The following CPNE4 variants were observed in gnomAD, a reference collection of about 807,000 sequenced individuals.
CPNE4 encodes copine-4.
CPNE4 carries 25 observed loss-of-function variants against 67.9 expected under a neutral mutation model. The observed-to-expected ratio is 0.37, with a 90% CI of 0.27 to 0.51. The LOEUF (loss-of-function observed/expected upper bound fraction) is 0.51, where lower values mean the gene tolerates loss of function less well. Ranked by LOEUF, CPNE4 falls within the 20% of genes least tolerant of loss-of-function variation. The probability of loss-of-function intolerance (pLI) is 0.93; values close to 1 mark genes in which losing one functional copy is unlikely to be tolerated. For synonymous variants in CPNE4, 242 were observed against 244.9 expected (o/e 0.99, Z 0.11); for missense variants, 464 against 690.8 (o/e 0.67, Z 3.68).
At chr3:131,907,750 T>C (rs2088829289) in intron 1 of CPNE4, among the ~76,000 whole-genome samples, 1 of 152,132 alleles carries the variant, frequency 6.6e-6, no homozygotes, top group Admixed American at 6.6e-5. Context: ...AAGCCTAAAA[T>C]ATTTATTATG....
intron 1 of CPNE4, among the ~76,000 whole-genome samples, chr3:131,990,626 G>C (rs975587495): frequency 7.4e-6 from 1 of 135,776 alleles, no homozygotes; most frequent in African/African-American, 2.5e-5. Flanking sequence ...TCATTTTCTT[G>C]ATCTTTTACA....
intron 1 of CPNE4, among the ~76,000 whole-genome samples, chr3:132,027,922 T>C (rs1342071882): frequency 6.6e-6 from 1 of 152,264 alleles, no homozygotes; most frequent in Non-Finnish European, 1.5e-5. Context: ...TCAATATTTT[T>C]AAAACAGAGT....
At chr3:132,019,374 G>T (rs982533173) in intron 1 of CPNE4, among the ~76,000 whole-genome samples, 5 of 151,976 alleles carry the variant, frequency 3.3e-5, no homozygotes, top group Non-Finnish European at 5.9e-5. Context: ...AGCCCACCTT[G>T]GTGAGTAAGA....
At chr3:131,818,883 C>G (rs945556930) in intron 2 of CPNE4, among the ~76,000 whole-genome samples, 1 of 152,092 alleles carries the variant, frequency 6.6e-6, no homozygotes, top group East Asian at 1.9e-4. Flanking sequence ...AGGCAGATCA[C>G]GAGGTCAAGG....
chr3:131,973,402 A>G (rs2072554427), intron 1 of CPNE4, among the ~76,000 whole-genome samples: 1 of 152,226 alleles, frequency 6.6e-6, no homozygotes, highest in South Asian at 2.1e-4. Context: ...TAATAATAAT[A>G]GAAATATGTG....
chr3:131,657,799 C>T (rs929015884), intron 7 of CPNE4, among the ~76,000 whole-genome samples: 4 of 151,684 alleles, frequency 2.6e-5, no homozygotes, highest in East Asian at 3.9e-4. Flanking sequence ...CTCCTGACCT[C>T]GTGATCTGCC....
intron 7 of CPNE4, among the ~76,000 whole-genome samples, chr3:131,626,745 T>G (rs776248436): frequency 1.3e-5 from 2 of 152,196 alleles, no homozygotes; most frequent in Non-Finnish European, 2.9e-5. Context: ...CAAAACAGTC[T>G]TATATTAAAA....
intron 2 of CPNE4, among the ~76,000 whole-genome samples, chr3:131,820,474 G>T (rs1352749261): frequency 1.3e-5 from 2 of 152,232 alleles, no homozygotes; most frequent in Non-Finnish European, 1.5e-5. Context: ...AGTCCTTGCA[G>T]GGGCTGCCAG....
intron 2 of CPNE4, among the ~76,000 whole-genome samples, chr3:131,787,521 T>C (rs1383643253): frequency 6.6e-6 from 1 of 152,110 alleles, no homozygotes; most frequent in Non-Finnish European, 1.5e-5. Context: ...TTGTGTGAGG[T>C]GTTCTGCAAC....
chr3:131,719,537 T>C (rs1274800544), intron 3 of CPNE4, among the ~76,000 whole-genome samples: 3 of 152,226 alleles, frequency 2.0e-5, no homozygotes, highest in African/African-American at 4.8e-5. Flanking sequence ...TTTCCCTTTG[T>C]TCACCCCACT....
rs1184747754 is a variant in CPNE4, at chr3:131,725,334, G to C, written c.181-1709C>G. 5.3e-5 allele frequency among the ~76,000 whole-genome samples: 8 copies of C among 152,266 alleles called. No homozygotes were observed. The East Asian group carries it at 1.5e-3, about 29-fold the overall frequency. On this transcript the variant is annotated intron_variant, in intron 2 of 15. Transcript: ENST00000429747. ...TTAAGGAACACTACCTGCCATTATT[G>C]GTTGGATGGACAATCCGGGTTGCAA...
intron 2 of CPNE4, among the ~76,000 whole-genome samples, chr3:131,792,991 T>C (rs1208897139): frequency 1.3e-5 from 2 of 151,290 alleles, no homozygotes; most frequent in East Asian, 3.9e-4. Context: ...TGTGCACCCA[T>C]GTGACACCAC....
rs1389121148 is a variant in CPNE4, at chr3:131,575,148, G to A, written c.868-18C>T. Reference sequence around the variant, plus strand: ...TTGTGAATCTGCATAGGAGGGGAGAGGAAACTGGGTTAATAACAGCACAGT... The same window carrying A: ...TTGTGAATCTGCATAGGAGGGGAGAAGAAACTGGGTTAATAACAGCACAGT... On this transcript the variant is annotated intron_variant, in intron 9 of 15. Coordinates refer to ENST00000429747, the MANE Select transcript of CPNE4 (RefSeq NM_130808.3). The A allele has an allele frequency of 1.9e-6, 3 of 1,609,660 alleles. No individual in the cohort carries two copies. The highest frequency in any genetic ancestry group is 3.3e-5 in the Admixed American group (2 of 59,900).
intron 1 of CPNE4, among the ~76,000 whole-genome samples, chr3:131,984,515 C>T (rs1014370924): frequency 1.3e-5 from 2 of 152,172 alleles, no homozygotes; most frequent in African/African-American, 4.8e-5. Flanking sequence ...GATGTGTAAA[C>T]AAGCTTCTGG....
rs1392037616 is a variant in CPNE4, at chr3:131,923,291, G to C, written c.-1-17847C>G. 5.3e-5 allele frequency among the ~76,000 whole-genome samples: 8 copies of C among 152,290 alleles called. No individual in the cohort carries two copies. The East Asian group carries it at 1.5e-3, about 29-fold the overall frequency. ...TGTGTGTATGTATGTATAAAATATT[G>C]TCACCAAACATTCTATCTGCTCCCT... On this transcript the variant is annotated intron_variant, in intron 1 of 15. Transcript: ENST00000429747.
rs968945275 is a variant in CPNE4, at chr3:131,991,026, T to A, written c.-2+43541A>T. 5.9e-5 allele frequency among the ~76,000 whole-genome samples: 8 copies of A among 136,500 alleles called. 1 individual carries two copies. Among genetic ancestry groups the A allele is most frequent in the Non-Finnish European group, 1.2e-4 (7 of 60,096 alleles). The allele number at this position is 136,500 out of a possible 152,430, so 89.5% of individuals were successfully genotyped here. On this transcript the variant is annotated intron_variant, in intron 1 of 15. Coordinates refer to ENST00000429747, the MANE Select transcript of CPNE4 (RefSeq NM_130808.3). ...CTTCCCCTTCCACCGTGATTGTAAGTTTCCTGAGGCCTCCTTCCCCATGCC... is the reference window on the plus strand; with the variant it reads ...CTTCCCCTTCCACCGTGATTGTAAGATTCCTGAGGCCTCCTTCCCCATGCC...
At chr3:132,037,566 G>A, upstream of CPNE4, 1 of 1,535,660 alleles carries the variant, frequency 6.5e-7, no homozygotes, top group Non-Finnish European at 8.7e-7. Flanking sequence ...CCTCCTCCCA[G>A]CTCTCCTTTT....
At chr3:131,542,372 G>A (rs1040235141) in intron 15 of CPNE4, among the ~76,000 whole-genome samples, 185 bp downstream of exon 15, 3 of 151,898 alleles carry the variant, frequency 2.0e-5, no homozygotes, top group Non-Finnish European at 1.5e-5. Context: ...CTTGTTGTGG[G>A]AGATGACGTG....
intron 2 of CPNE4, among the ~76,000 whole-genome samples, chr3:131,888,940 C>A (rs531464985): frequency 3.0e-4 from 45 of 152,210 alleles, no homozygotes; most frequent in African/African-American, 1.0e-3. Flanking sequence ...GGCCAGCAGA[C>A]CAAAAGCTTA....
Sources: allele counts gnomAD v4.1 joint callset (sites outside exome capture counted in the v4.1 genomes callset), GRCh38; gene constraint gnomAD v4.1.1; transcripts MANE v1.5; gene names NCBI Gene and HGNC (gene_info 2026-07-23, HGNC 2026-07-21).